ALDH1A2: variants seen among roughly 807,000 people sequenced by gnomAD.
ALDH1A2 encodes aldehyde dehydrogenase 1 family member A2.
ALDH1A2 carries 27 observed loss-of-function variants against 60.3 expected under a neutral mutation model. The ratio of observed to expected loss-of-function variants is 0.45; its 90% CI spans 0.33 to 0.62. The LOEUF (loss-of-function observed/expected upper bound fraction) is 0.62, where lower values mean the gene tolerates loss of function less well. ALDH1A2 is among the 20% of genes least tolerant of loss of function. The probability of loss-of-function intolerance (pLI) is 0.02; values close to 1 mark genes in which losing one functional copy is unlikely to be tolerated. For missense variants in ALDH1A2, 581 were observed against 643.8 expected (o/e 0.90, Z 1.06); for synonymous variants, 289 against 232.4 (o/e 1.24, Z -2.21).
intron 9 of ALDH1A2, among the ~76,000 whole-genome samples, chr15:57,963,551 G>C (rs1248829797): frequency 6.6e-6 from 1 of 151,764 alleles, no homozygotes; most frequent in African/African-American, 2.4e-5. Context: ...CACCATATTA[G>C]CCAGGATGGT....
chr15:57,986,571 CAA>C (rs71116542), intron 7 of ALDH1A2, among the ~76,000 whole-genome samples: 5,181 of 81,938 alleles, frequency 0.063, 125 homozygotes, highest in East Asian at 0.15. Flanking sequence ...ACAGAAAAGC[CAA>C]AAAAAAAAAA....
At chr15:57,983,787 C>T (rs1283388889) in intron 7 of ALDH1A2, among the ~76,000 whole-genome samples, 1 of 152,164 alleles carries the variant, frequency 6.6e-6, no homozygotes, top group Non-Finnish European at 1.5e-5. Context: ...GACTGAATCA[C>T]ATAAAACACC....
intron 4 of ALDH1A2, among the ~76,000 whole-genome samples, chr15:58,000,685 A>T (rs1223626529): frequency 2.6e-5 from 4 of 151,954 alleles, no homozygotes; most frequent in Non-Finnish European, 5.9e-5. Flanking sequence ...CCAGTGCTAC[A>T]CGGGATGCTA....
intron 1 of ALDH1A2, chr15:58,058,063 C>T: frequency 6.5e-7 from 1 of 1,534,096 alleles, no homozygotes; most frequent in Non-Finnish European, 8.7e-7. Context: ...ACTGATTCTT[C>T]ATCTTCTCCC....
chr15:57,963,846 G>A (rs1244632325), intron 9 of ALDH1A2, 39 bp downstream of exon 9: 3 of 1,610,242 alleles, frequency 1.9e-6, no homozygotes, highest in Non-Finnish European at 2.5e-6. Flanking sequence ...TGCCAGTCAA[G>A]GATTAAGTAA....
At chr15:57,964,165 T>G in intron 8 of ALDH1A2, 96 bp from the exon 9 acceptor site, 3 of 1,304,348 alleles carry the variant, frequency 2.3e-6, no homozygotes, top group Non-Finnish European at 3.3e-6. Flanking sequence ...CTAGGTATAG[T>G]GTGCTCACTG....
intron 4 of ALDH1A2, among the ~76,000 whole-genome samples, chr15:57,995,784 G>A (rs1227359655): frequency 6.6e-6 from 1 of 151,900 alleles, no homozygotes. Flanking sequence ...AATGTCCTAG[G>A]GGCTAAAAGA....
intron 4 of ALDH1A2, among the ~76,000 whole-genome samples, chr15:58,004,200 T>G (rs1279437934): frequency 6.6e-6 from 1 of 151,912 alleles, no homozygotes; most frequent in Non-Finnish European, 1.5e-5. Context: ...AGCAGGTATT[T>G]GCTCTCTCTA....
intron 7 of ALDH1A2, among the ~76,000 whole-genome samples, chr15:57,977,487 G>A (rs1894303526): frequency 6.6e-6 from 1 of 151,584 alleles, no homozygotes; most frequent in Non-Finnish European, 1.5e-5. Flanking sequence ...CAATTGCTTG[G>A]ATTTTGTTAG....
At chr15:58,003,412 A>G (rs1446755402) in intron 4 of ALDH1A2, among the ~76,000 whole-genome samples, 1 of 151,930 alleles carries the variant, frequency 6.6e-6, no homozygotes, top group Non-Finnish European at 1.5e-5. Context: ...GATCTGAATC[A>G]CTATCTTTGT....
intron 4 of ALDH1A2, among the ~76,000 whole-genome samples, chr15:57,998,133 T>C (rs1488041562): frequency 3.9e-5 from 6 of 151,992 alleles, no homozygotes. Flanking sequence ...CCTTGAAAAC[T>C]AGCACAAGAC....
chr15:57,977,755 T>C (rs559263968), intron 7 of ALDH1A2, among the ~76,000 whole-genome samples: 2 of 152,342 alleles, frequency 1.3e-5, no homozygotes, highest in Non-Finnish European at 2.9e-5. Flanking sequence ...ATGAAGAAAG[T>C]CAATGGTAGC....
chr15:58,000,623 T>A (rs1176327047), intron 4 of ALDH1A2, among the ~76,000 whole-genome samples: 1 of 151,966 alleles, frequency 6.6e-6, no homozygotes, highest in Non-Finnish European at 1.5e-5. Context: ...AACCAAGGAA[T>A]TAAAATTAAA....
rs35310270 is a variant in ALDH1A2, at chr15:58,039,739, C to T, written c.118-25458G>A. Among the ~76,000 whole-genome samples the T allele has an allele frequency of 6.6e-5, 10 of 151,482 alleles. 1 individual carries two copies. The South Asian group carries it at 1.7e-3, about 25-fold the overall frequency. ...GAGTTAGGGCTAGTTAAGTGACTCA[C>T]AACATTGATTATTAAGAGGAAGGGA... On this transcript the variant is annotated intron_variant, in intron 1 of 12. Transcript: ENST00000249750.
chr15:58,042,240 G>A (rs917830798), intron 1 of ALDH1A2, among the ~76,000 whole-genome samples: 1 of 151,782 alleles, frequency 6.6e-6, no homozygotes, highest in Non-Finnish European at 1.5e-5. Flanking sequence ...GTTCATATAC[G>A]ACCTCTTGAT....
At chr15:57,961,041 T>C (rs1290438671) in intron 11 of ALDH1A2, 96 bp downstream of exon 11, 4 of 1,539,434 alleles carry the variant, frequency 2.6e-6, no homozygotes, top group Non-Finnish European at 3.6e-6. Context: ...TTGGTTGCTT[T>C]TGGTATTCCC....
chr15:58,026,417 G>A (rs1033516749), intron 1 of ALDH1A2, among the ~76,000 whole-genome samples: 5 of 152,132 alleles, frequency 3.3e-5, no homozygotes, highest in African/African-American at 1.2e-4. Flanking sequence ...TGGCCAAATA[G>A]TAAGAGCTCT....
chr15:58,064,056 C>T (rs542454279), intron 1 of ALDH1A2, among the ~76,000 whole-genome samples: 2 of 152,200 alleles, frequency 1.3e-5, no homozygotes, highest in Admixed American at 1.3e-4. Context: ...AAAAATAAGA[C>T]TAAAATCAAA....
At chr15:57,997,180 G>C (rs1462147309) in intron 4 of ALDH1A2, among the ~76,000 whole-genome samples, 1 of 152,054 alleles carries the variant, frequency 6.6e-6, no homozygotes, top group Non-Finnish European at 1.5e-5. Context: ...ACAGTATGAA[G>C]TCTGAGTAAT....
Sources: allele counts gnomAD v4.1 joint callset (sites outside exome capture counted in the v4.1 genomes callset), GRCh38; gene constraint gnomAD v4.1.1; transcripts MANE v1.5; gene names NCBI Gene and HGNC (gene_info 2026-07-23, HGNC 2026-07-21).